The following UBE3A variants were observed in gnomAD, a reference collection of about 807,000 sequenced individuals.
UBE3A encodes the protein ubiquitin protein ligase E3A.
In UBE3A, 6 loss-of-function variants were observed where a neutral mutation model predicts 83.4. That is an observed-to-expected ratio of 0.07 (90% CI 0.04 to 0.14). The LOEUF (loss-of-function observed/expected upper bound fraction) is 0.14. UBE3A is among the 10% of genes least tolerant of loss of function. The pLI, the probability that UBE3A is intolerant of heterozygous loss-of-function variation, is 1.00. For missense variants in UBE3A, 456 were observed against 1,036.1 expected (o/e 0.44, Z 7.69); for synonymous variants, 337 against 355.4 (o/e 0.95, Z 0.58).
At chr15:25,367,732 TTCTTC>T (rs2079560577) in intron 6 of UBE3A, among the ~76,000 whole-genome samples, 1 of 152,096 alleles carries the variant, frequency 6.6e-6, no homozygotes, top group Non-Finnish European at 1.5e-5. Context: ...TCAACATGAA[TTCTTC>T]TCTTGTCATC....
chr15:25,370,509 C>G lies in UBE3A; in HGVS notation c.1608+57G>C. The G allele has an allele frequency of 6.3e-7, 1 of 1,599,404 alleles. No homozygotes were observed. The highest frequency in any genetic ancestry group is 1.1e-5 in the South Asian group (1 of 90,698). On this transcript the variant is annotated intron_variant, in intron 6 of 12. Transcript: ENST00000648336. The surrounding 1 kb of genome is among the most constrained non-coding windows in gnomAD (Gnocchi z 4.2). The stretch of plus-strand genomic sequence containing the variant: ...TTCAGTCACTTTTAAAATGAATTCA[C>G]TGAACTGTATCATGATATCCCCATT...
In UBE3A at chr15:25,338,531, G is replaced by C. The variant is rs1373099097; in HGVS notation, c.*606C>G. ...TTCCTTCCATCTTTCTTTATTGATT[G>C]ATTCTCAAGATTTTGCACAGAAAAC... On this transcript the variant is annotated 3_prime_UTR_variant, in exon 13 of 13. Coordinates refer to ENST00000648336, the MANE Select transcript of UBE3A (RefSeq NM_130839.5). 6.6e-6 allele frequency: 1 copy of C among 151,548 alleles called. No individual in the cohort carries two copies. The highest frequency in any genetic ancestry group is 1.5e-5 in the Non-Finnish European group (1 of 67,876). 9.4% of individuals were successfully genotyped at this position (151,548 alleles called of 1,614,324 possible). A position where few individuals can be genotyped will look rare whatever the true frequency, so the allele number is the denominator to read the frequency against.
At chr15:25,367,996 A>C (rs2079601409) in intron 6 of UBE3A, among the ~76,000 whole-genome samples, 1 of 152,034 alleles carries the variant, frequency 6.6e-6, no homozygotes, top group Non-Finnish European at 1.5e-5. Context: ...AGGATCCCAT[A>C]ATTTTATTTA....
intron 11 of UBE3A, among the ~76,000 whole-genome samples, chr15:25,343,898 A>G (rs1595432269): frequency 6.6e-6 from 1 of 152,074 alleles, no homozygotes; most frequent in Non-Finnish European, 1.5e-5. Context: ...CAAAAATTGT[A>G]ACTATAGTAA....
chr15:25,367,456 C>T lies in UBE3A; in HGVS notation c.1608+3110G>A, dbSNP rs1013867627. ...TGTACTGTTTTCTAAGGAACAATAA[C>T]GAAAAAATACTGAAAATAAGTCCTA... On this transcript the variant is annotated intron_variant, in intron 6 of 12. Coordinates refer to ENST00000648336, the MANE Select transcript of UBE3A (RefSeq NM_130839.5). Among the ~76,000 whole-genome samples the T allele has an allele frequency of 7.9e-5, 12 of 151,716 alleles. No homozygotes were observed. In the East Asian group the frequency reaches 1.6e-3, roughly 20 times the overall value.
At chr15:25,412,987 T>A (rs767975005) in intron 1 of UBE3A, 29 of 441,328 alleles carry the variant, frequency 6.6e-5, no homozygotes, top group Admixed American at 1.3e-4. Context: ...CAGAAATGAA[T>A]TTGCATTTTA....
chr15:25,352,286 C>T (rs927139767), intron 11 of UBE3A, among the ~76,000 whole-genome samples: 1 of 152,156 alleles, frequency 6.6e-6, no homozygotes, highest in African/African-American at 2.4e-5. Context: ...TAAACAGCCT[C>T]GCAGTTTTTA....
chr15:25,390,016 T>G (rs1043217387), intron 4 of UBE3A, among the ~76,000 whole-genome samples: 1 of 152,036 alleles, frequency 6.6e-6, no homozygotes, highest in Non-Finnish European at 1.5e-5. Context: ...ACCAAAGATA[T>G]ACAGATGGCA....
rs1366569165 is a variant in UBE3A, at chr15:25,371,635, G to C, written c.539C>G (p.Ala180Gly). The C allele has an allele frequency of 5.6e-6, 9 of 1,613,968 alleles. No homozygotes were observed. The highest frequency in any genetic ancestry group is 6.8e-6 in the Non-Finnish European group (8 of 1,179,990). Reference protein sequence around the residue: ...HTKEELKSLQAKDEDKDEDEK... With the variant: ...HTKEELKSLQGKDEDKDEDEK... ...ATCTTCATCTTTGTCTTCATCTTTT[G>C]CTTGAAGAGATTTCAGTTCTTCCTT... The change falls in exon 6 of 13, where the codon GCA becomes GGA. Residue 180 changes from alanine to glycine, a missense_variant. Physicochemically the swap from Ala to Gly is moderately conservative, Grantham distance 60. This residue lies in a region of UBE3A where 34 missense variants were observed against 79.1 expected (regional missense o/e 0.43). Transcript: ENST00000648336. The surrounding 1 kb of genome is among the most constrained non-coding windows in gnomAD (Gnocchi z 5.3).
intron 1 of UBE3A, among the ~76,000 whole-genome samples, chr15:25,419,965 G>A (rs1888945673): frequency 6.6e-6 from 1 of 151,902 alleles, no homozygotes; most frequent in Admixed American, 6.6e-5. Flanking sequence ...AAAGAAGGCA[G>A]AAAAGGAAGA....
At chr15:25,359,805 C>T (rs888773159) in intron 7 of UBE3A, among the ~76,000 whole-genome samples, 1 of 152,124 alleles carries the variant, frequency 6.6e-6, no homozygotes. Context: ...TTCCAAATCC[C>T]ATCAGCCTTT....
chr15:25,366,831 T>C (rs953929734), intron 6 of UBE3A, among the ~76,000 whole-genome samples: 5 of 152,200 alleles, frequency 3.3e-5, no homozygotes, highest in Admixed American at 1.3e-4. Context: ...TTCCCAAATA[T>C]TGGAGTCTGG....
intron 6 of UBE3A, among the ~76,000 whole-genome samples, chr15:25,362,277 T>C (rs2078236719): frequency 6.6e-6 from 1 of 152,222 alleles, no homozygotes; most frequent in South Asian, 2.1e-4. Context: ...AAATAATGTC[T>C]GTTGTTGTTC....
chr15:25,367,195 T>TTACATATTTGTAAATATGTAAA (rs2079304018), intron 6 of UBE3A, among the ~76,000 whole-genome samples: 3 of 117,786 alleles, frequency 2.5e-5, no homozygotes, highest in Non-Finnish European at 5.0e-5. Flanking sequence ...ATGTAAATAT[T>TTACATATTTGTAAATATGTAAA]TACATATTTG....
chr15:25,356,720 T>C lies in UBE3A; in HGVS notation c.1930A>G (p.Thr644Ala), dbSNP rs770131629. The change falls in exon 8 of 13, where the codon ACT (threonine) becomes GCT (alanine). Residue 644 changes from threonine (T) to alanine (A), a missense_variant. Transcript: ENST00000648336. ...TGAGAGTCTCCCAAGTCACGAAAAG[T>C]TCCTTTTTTCCCCATTAGCTTCCTG... Reference protein sequence around the residue: ...VYRKLMGKKGTFRDLGDSHPV... With the variant: ...VYRKLMGKKGAFRDLGDSHPV... The C allele has an allele frequency of 1.2e-6, 2 of 1,613,404 alleles. No individual in the cohort carries two copies. The highest frequency in any genetic ancestry group is 1.1e-5 in the South Asian group (1 of 91,032).
chr15:25,367,263 A>ATTTGCATATT (rs2079426621), intron 6 of UBE3A, among the ~76,000 whole-genome samples: 1 of 99,738 alleles, frequency 1.0e-5, no homozygotes, highest in African/African-American at 4.0e-5. Context: ...ATTTGTAAAT[A>ATTTGCATATT]TGTAAATATT....
intron 4 of UBE3A, among the ~76,000 whole-genome samples, chr15:25,390,702 A>T (rs572773349): frequency 6.6e-6 from 1 of 152,160 alleles, no homozygotes; most frequent in Non-Finnish European, 1.5e-5. Context: ...ATAATGGTAG[A>T]TACATGTCAT....
intron 4 of UBE3A, among the ~76,000 whole-genome samples, chr15:25,379,752 CTCGTAAGTCAAA>C (rs531818920): frequency 6.6e-6 from 1 of 152,134 alleles, no homozygotes; most frequent in Non-Finnish European, 1.5e-5. Context: ...CAAATCATAG[CTCGTAAGTCAAA>C]TCGAGTCCAC....
At position 25,335,399 on chromosome 15, in the gene UBE3A, A is replaced by C. The variant is rs1235339608; in HGVS notation, c.*3738T>G. On this transcript the variant is annotated 3_prime_UTR_variant, in exon 13 of 13. Coordinates refer to ENST00000648336, the MANE Select transcript of UBE3A (RefSeq NM_130839.5). ...GAGGCACTGAATGCAGAGGATATTAAAATTAGCAAGATAGTGTTCTAGCAC... is the reference window on the plus strand; with the variant it reads ...GAGGCACTGAATGCAGAGGATATTACAATTAGCAAGATAGTGTTCTAGCAC... 1 of 152,278 alleles carries C rather than the reference A, an allele frequency of 6.6e-6. No individual in the cohort carries two copies. The highest frequency in any genetic ancestry group is 1.9e-4 in the East Asian group (1 of 5,198). The allele number at this position is 152,278 out of a possible 1,614,324, so 9.4% of individuals were successfully genotyped here.
Sources: gnomAD v4.1 joint callset for allele counts (sites outside exome capture counted in the v4.1 genomes callset) on GRCh38, gnomAD v4.1.1 for gene constraint, gnomAD v4.1.1 regional missense constraint, Gnocchi (gnomAD v3.1) non-coding constraint, MANE v1.5 for transcripts, NCBI Gene and HGNC (gene_info 2026-07-23, HGNC 2026-07-21) for gene names.